CD44: variants seen among roughly 807,000 people sequenced by gnomAD.
CD44 encodes CD44 molecule (IN blood group).
CD44 carries 49 observed loss-of-function variants against 88.8 expected under a neutral mutation model. The ratio of observed to expected loss-of-function variants is 0.55; its 90% CI spans 0.44 to 0.70. The LOEUF is 0.70. CD44 is among the 30% of genes least tolerant of loss of function. The pLI is 0.00. For missense variants in CD44, 883 were observed against 913.8 expected, an observed-to-expected ratio of 0.97 and a Z score of 0.43; for synonymous variants, 325 against 312.3, an observed-to-expected ratio of 1.04 and a Z score of -0.43.
Position 35,206,165 on chromosome 11 carries a change from G to A in CD44, c.1336G>A (p.Glu446Lys). ...GCAAGGAAGGACAACACCAAGCCCA[G>A]AGGACAGTTCCTGGACTGATTTCTT... ...PMQGRTTPSP[E>K]DSSWTDFFNP... is the part of the protein sequence containing the mutation. Residue 446 changes from glutamate to lysine, a missense_variant, in exon 11 of 18, where the codon GAG (glutamate) becomes AAG (lysine). Physicochemically the swap from Glu to Lys is moderately conservative, Grantham distance 56. This residue lies in a region of CD44 where 631 missense variants were observed against 590.9 expected (regional missense o/e 1.07). Transcript: ENST00000428726. The A allele has an allele frequency of 6.2e-7, 1 of 1,612,396 alleles. No homozygotes were observed. Among genetic ancestry groups the A allele is most frequent in the Non-Finnish European group, 8.5e-7 (1 of 1,179,118 alleles).
Position 35,204,718 on chromosome 11 carries a change from A to G in CD44, c.1282+78A>G, listed in dbSNP as rs541850796. ...ACGGTAGACATTGAGGACATTGAAC[A>G]AAAGGACACTGGAGGAATTGTCACG... On this transcript the variant is annotated intron_variant, in intron 10 of 17. Transcript: ENST00000428726. 6 of 1,289,252 alleles carry G rather than the reference A, an allele frequency of 4.7e-6. 1 individual carries two copies. In the African/African-American group the frequency reaches 5.9e-5, roughly 13 times the overall value. 79.9% of individuals were successfully genotyped at this position (1,289,252 alleles called of 1,614,324 possible).
At chr11:35,211,176 C>G in intron 13 of CD44, 70 bp from the exon 14 acceptor site, 3 of 1,183,090 alleles carry the variant, frequency 2.5e-6, no homozygotes, top group Non-Finnish European at 3.8e-6. Context: ...ATTGTGTGTT[C>G]TGGAGACAAG....
At chr11:35,185,223 AATGGC>A (rs933238057) in intron 3 of CD44, among the ~76,000 whole-genome samples, 47 of 152,304 alleles carry the variant, frequency 3.1e-4, no homozygotes, top group African/African-American at 9.6e-4. Context: ...GATGGTAAGG[AATGGC>A]CTCGCCAAGG....
Position 35,176,757 on chromosome 11 carries a change from C to G in CD44, c.233+17C>G, listed in dbSNP as rs374806320. ...GACCTGCAGGTAAGAGACCAGCACCCGACCACTGGGGAAAGCTGGCGGCCT... is the reference window on the plus strand; with the variant it reads ...GACCTGCAGGTAAGAGACCAGCACCGGACCACTGGGGAAAGCTGGCGGCCT... On this transcript the variant is annotated intron_variant, in intron 2 of 17. Coordinates refer to ENST00000428726, the MANE Select transcript of CD44 (RefSeq NM_000610.4). 3.2e-5 allele frequency: 51 copies of G among 1,607,862 alleles called. No individual in the cohort carries two copies. Among genetic ancestry groups the G allele is most frequent in the African/African-American group, 4.0e-5 (3 of 74,474 alleles).
At chr11:35,141,125 A>G (rs190663467) in intron 1 of CD44, among the ~76,000 whole-genome samples, 29 of 152,302 alleles carry the variant, frequency 1.9e-4, no homozygotes, top group Non-Finnish European at 3.1e-4. Flanking sequence ...CTACCCTCAC[A>G]ATGGCCTAGT....
chr11:35,186,884 T>G lies in CD44; in HGVS notation c.420T>G (p.Asp140Glu). ...TCACAGACCTGCCCAATGCCTTTGATGGACCAATTACCATAAGTATGTCTC... is the reference window on the plus strand; with the variant it reads ...TCACAGACCTGCCCAATGCCTTTGAGGGACCAATTACCATAAGTATGTCTC... ...TSVTDLPNAF[D>E]GPITITIVNR... The change falls in exon 4 of 18, where the codon GAT becomes GAG. Residue 140 changes from aspartate to glutamate, a missense_variant. Transcript: ENST00000428726. 1 of 1,597,402 alleles carries G rather than the reference T, an allele frequency of 6.3e-7. No individual in the cohort carries two copies. Among genetic ancestry groups the G allele is most frequent in the Non-Finnish European group, 8.6e-7 (1 of 1,164,750 alleles).
At chr11:35,215,149 A>G (rs573272527) in intron 15 of CD44, among the ~76,000 whole-genome samples, 29 of 152,328 alleles carry the variant, frequency 1.9e-4, no homozygotes, top group African/African-American at 7.0e-4. Context: ...GTTCCCTGGT[A>G]ATACTGACAC....
intron 17 of CD44, chr11:35,222,700 A>G: frequency 3.3e-6 from 3 of 922,384 alleles, no homozygotes; most frequent in South Asian, 1.0e-4. Context: ...AATTTATAAA[A>G]GTATAAATCT....
intron 6 of CD44, chr11:35,197,697 A>G: frequency 7.1e-6 from 1 of 139,954 alleles, no homozygotes; most frequent in Non-Finnish European, 1.5e-5. Context: ...AGATTCCAAC[A>G]TTTTTCTGAA....
In CD44 at chr11:35,208,274, C is replaced by A. The variant is rs143456254; in HGVS notation, c.1516+68C>A. On this transcript the variant is annotated intron_variant, in intron 12 of 17. Transcript: ENST00000428726. ...TGCTTCATCTCTTACTCGCTATTGG[C>A]CAAGATGCAGAGCTTTGGTGGTGGA... The A allele has an allele frequency of 9.9e-5, 105 of 1,065,478 alleles. No individual in the cohort carries two copies. The African/African-American group carries it at 1.4e-3, about 14-fold the overall frequency. The allele number at this position is 1,065,478 out of a possible 1,614,324, so 66.0% of individuals were successfully genotyped here.
intron 10 of CD44, 55 bp from the exon 11 acceptor site, chr11:35,206,057 C>A (rs758134800): frequency 1.3e-6 from 2 of 1,545,948 alleles, no homozygotes; most frequent in African/African-American, 1.4e-5. Flanking sequence ...ATCGGTGTAT[C>A]CCTGACCAAG....
intron 7 of CD44, among the ~76,000 whole-genome samples, chr11:35,198,942 TGG>T (rs1169034935): frequency 7.1e-6 from 1 of 140,190 alleles, no homozygotes; most frequent in Non-Finnish European, 1.5e-5. Flanking sequence ...CACTCTAACC[TGG>T]GTGACAGAGC....
chr11:35,210,288 A>G, intron 13 of CD44: 1 of 316,692 alleles, frequency 3.2e-6, no homozygotes, highest in Non-Finnish European at 5.7e-6. Context: ...TTCACTCTAG[A>G]GTTAGTGATT....
chr11:35,218,832 G>A (rs1949054412), intron 15 of CD44: 1 of 155,992 alleles, frequency 6.4e-6, no homozygotes, highest in Non-Finnish European at 1.4e-5. Flanking sequence ...ACTTTGAGTA[G>A]CAAGGTCCTA....
At chr11:35,181,873 A>ATATATAAT in intron 3 of CD44, among the ~76,000 whole-genome samples, 1 of 80,090 alleles carries the variant, frequency 1.2e-5, no homozygotes, top group Admixed American at 1.9e-4. Context: ...ATATATATAT[A>ATATATAAT]TTATATATAA....
chr11:35,154,965 T>G (rs1018210931), intron 1 of CD44, among the ~76,000 whole-genome samples: 8 of 152,192 alleles, frequency 5.3e-5, no homozygotes, highest in Admixed American at 4.6e-4. Flanking sequence ...TTCCTGCAAT[T>G]TAGCACCCCT....
chr11:35,224,413 G>T (rs1396512744), intron 17 of CD44, among the ~76,000 whole-genome samples: 1 of 152,158 alleles, frequency 6.6e-6, no homozygotes, highest in African/African-American at 2.4e-5. Flanking sequence ...TAGATACTGC[G>T]TGAGGCTCCA....
intron 14 of CD44, chr11:35,212,707 A>G (rs903470272): frequency 6.6e-6 from 1 of 152,238 alleles, no homozygotes; most frequent in Non-Finnish European, 1.5e-5. Flanking sequence ...TTCTTTATTC[A>G]GCATTGTTCT....
chr11:35,171,189 T>C (rs894817930), intron 1 of CD44, among the ~76,000 whole-genome samples: 1 of 152,196 alleles, frequency 6.6e-6, no homozygotes, highest in Non-Finnish European at 1.5e-5. Flanking sequence ...CCTGATGAAA[T>C]GTCTTCATAA....
Sources: allele counts gnomAD v4.1 joint callset (sites outside exome capture counted in the v4.1 genomes callset), GRCh38; gene constraint gnomAD v4.1.1; regional missense constraint gnomAD v4.1.1; transcripts MANE v1.5; gene names NCBI Gene and HGNC (gene_info 2026-07-23, HGNC 2026-07-21).